DERA: variants seen among roughly 807,000 people sequenced by gnomAD.
The protein encoded by DERA is 2-deoxy-D-ribose 5-phosphate aldolase.
DERA carries 15 observed loss-of-function variants against 41.1 expected under a neutral mutation model. The observed-to-expected ratio is 0.37, with a 90% CI of 0.24 to 0.56. The LOEUF (loss-of-function observed/expected upper bound fraction) is 0.56, where lower values mean the gene tolerates loss of function less well. Among genes scored for constraint, DERA ranks in the 20% least tolerant of loss-of-function variants. The probability of loss-of-function intolerance (pLI) is 0.81; values close to 1 mark genes in which losing one functional copy is unlikely to be tolerated. For synonymous variants in DERA, 139 were observed against 137.4 expected (o/e 1.01, Z -0.08); for missense variants, 396 against 403.4 (o/e 0.98, Z 0.16).
Position 15,985,371 on chromosome 12 carries a change from A to G in DERA, c.637+2935A>G, listed in dbSNP as rs1948757378. On this transcript the variant is annotated intron_variant, in intron 6 of 8. Transcript: ENST00000428559. This position sits in a 1 kb window ranked among gnomAD's most constrained non-coding sequence, Gnocchi z 4.2. Reference sequence around the variant, plus strand: ...CTGAGTTGCTAAAATTGTTGGCATAATGTTGTTTATAATATGTTCTTCCAT... The same window carrying G: ...CTGAGTTGCTAAAATTGTTGGCATAGTGTTGTTTATAATATGTTCTTCCAT... 6.6e-6 allele frequency: 1 copy of G among 152,182 alleles called. No individual in the cohort carries two copies. Among genetic ancestry groups the G allele is most frequent in the Admixed American group, 6.5e-5 (1 of 15,278 alleles). 9.4% of individuals were successfully genotyped at this position (152,182 alleles called of 1,614,324 possible). A position where few individuals can be genotyped will look rare whatever the true frequency, so the allele number is the denominator to read the frequency against.
intron 1 of DERA, among the ~76,000 whole-genome samples, chr12:15,923,177 T>C (rs540314207): frequency 3.8e-4 from 58 of 150,778 alleles, no homozygotes; most frequent in Non-Finnish European, 7.0e-4. Context: ...CGCCCGCCAC[T>C]ACGCCCGGCT....
intron 1 of DERA, among the ~76,000 whole-genome samples, chr12:15,946,466 T>C (rs1173011799): frequency 2.0e-5 from 3 of 152,212 alleles, no homozygotes; most frequent in Non-Finnish European, 4.4e-5. Flanking sequence ...GGAGGATGTA[T>C]GTGTCCAGGA....
rs554392218 is a variant in DERA at position 16,003,249 on chromosome 12, G to C, written c.637+20813G>C. On this transcript the variant is annotated intron_variant, in intron 6 of 8. Transcript: ENST00000428559. This position sits in a 1 kb window ranked among gnomAD's most constrained non-coding sequence, Gnocchi z 4.8. Reference sequence around the variant, plus strand: ...ATGTTGTATGTCTGTCTCTTCACCTGGTGTTCTTTTTATAAGGACACTAAT... The same window carrying C: ...ATGTTGTATGTCTGTCTCTTCACCTCGTGTTCTTTTTATAAGGACACTAAT... Among the ~76,000 whole-genome samples, 2 of 152,204 alleles carry C rather than the reference G, an allele frequency of 1.3e-5. No homozygotes were observed. Among genetic ancestry groups the C allele is most frequent in the East Asian group, 3.9e-4 (2 of 5,168 alleles).
chr12:15,985,950 A>G lies in DERA; in HGVS notation c.637+3514A>G, dbSNP rs897795828. On this transcript the variant is annotated intron_variant, in intron 6 of 8. Coordinates refer to ENST00000428559, the MANE Select transcript of DERA (RefSeq NM_015954.4). The surrounding 1 kb of genome is among the most constrained non-coding windows in gnomAD (Gnocchi z 4.2). ...TCTGTTTATTACTAAGAGAGTGTTAAAGTCTCCAAACATGATTGTGGATTT... is the reference window on the plus strand; with the variant it reads ...TCTGTTTATTACTAAGAGAGTGTTAGAGTCTCCAAACATGATTGTGGATTT... 6.6e-6 allele frequency among the ~76,000 whole-genome samples: 1 copy of G among 152,116 alleles called. No individual in the cohort carries two copies. Among genetic ancestry groups the G allele is most frequent in the African/African-American group, 2.4e-5 (1 of 41,422 alleles).
intron 1 of DERA, among the ~76,000 whole-genome samples, chr12:15,914,755 T>C (rs922942812): frequency 2.0e-5 from 3 of 152,172 alleles, no homozygotes; most frequent in Non-Finnish European, 4.4e-5. Flanking sequence ...TTCAAAGATA[T>C]CTGAAAAATA....
At chr12:15,923,637 T>G (rs920813217) in intron 1 of DERA, among the ~76,000 whole-genome samples, 3 of 152,164 alleles carry the variant, frequency 2.0e-5, no homozygotes, top group Non-Finnish European at 4.4e-5. Flanking sequence ...AAAATTCTTA[T>G]GTGAACAGAG....
rs1948934762 is a variant in DERA, at chr12:16,009,652, C to T, written c.638-22890C>T. Among the ~76,000 whole-genome samples, 1 of 152,046 alleles carries T rather than the reference C, an allele frequency of 6.6e-6. No homozygotes were observed. Among genetic ancestry groups the T allele is most frequent in the Non-Finnish European group, 1.5e-5 (1 of 68,012 alleles). On this transcript the variant is annotated intron_variant, in intron 6 of 8. Transcript: ENST00000428559. This position sits in a 1 kb window ranked among gnomAD's most constrained non-coding sequence, Gnocchi z 5.3. ...ATTTAACAGCTGAATTTTTTTCTCA[C>T]TAAGGTTTTATATTTTTAAGTTATC... is the stretch of plus-strand genomic sequence containing the variant.
chr12:15,964,713 TTGTAGA>T (rs1449665247), intron 5 of DERA, among the ~76,000 whole-genome samples: 17 of 152,222 alleles, frequency 1.1e-4, no homozygotes, highest in African/African-American at 3.9e-4. Context: ...TCTTAAGCAA[TTGTAGA>T]TGTAGAAATT....
chr12:16,035,268 G>T lies in DERA; in HGVS notation c.751-964G>T, dbSNP rs1949119641. On this transcript the variant is annotated intron_variant, in intron 7 of 8. Coordinates refer to ENST00000428559, the MANE Select transcript of DERA (RefSeq NM_015954.4). This position sits in a 1 kb window ranked among gnomAD's most constrained non-coding sequence, Gnocchi z 4.1. ...AGGTTTCCTGCTTGGGTTGATAATA[G>T]AATATATTCATTTAATGTCTCCCTT... is the stretch of plus-strand genomic sequence containing the variant. Among the ~76,000 whole-genome samples the T allele has an allele frequency of 6.6e-6, 1 of 152,114 alleles. No homozygotes were observed. The highest frequency in any genetic ancestry group is 2.1e-4 in the South Asian group (1 of 4,828).
intron 7 of DERA, among the ~76,000 whole-genome samples, chr12:16,033,776 A>G (rs1334541290): frequency 6.6e-6 from 1 of 151,864 alleles, no homozygotes; most frequent in African/African-American, 2.4e-5. Context: ...TGGAATAGTG[A>G]CCTTTTTTTT....
In DERA at chr12:15,992,704, A is replaced by G. The variant is rs1206886737; in HGVS notation, c.637+10268A>G. Among the ~76,000 whole-genome samples the G allele has an allele frequency of 6.6e-6, 1 of 152,170 alleles. No individual in the cohort carries two copies. Among genetic ancestry groups the G allele is most frequent in the South Asian group, 2.1e-4 (1 of 4,830 alleles). ...GGGAAACATACTTACAGAAAAGAGAAGTGTAAAGCAGGTCAATCTACTGCT... is the reference window on the plus strand; with the variant it reads ...GGGAAACATACTTACAGAAAAGAGAGGTGTAAAGCAGGTCAATCTACTGCT... On this transcript the variant is annotated intron_variant, in intron 6 of 8. Transcript: ENST00000428559. This position sits in a 1 kb window ranked among gnomAD's most constrained non-coding sequence, Gnocchi z 4.3.
At chr12:15,974,455 T>G in intron 5 of DERA, among the ~76,000 whole-genome samples, 1 of 152,202 alleles carries the variant, frequency 6.6e-6, no homozygotes, top group East Asian at 1.9e-4. Context: ...TTGTTTGGTA[T>G]TTTCTCACAG....
intron 1 of DERA, among the ~76,000 whole-genome samples, chr12:15,934,370 A>G (rs1490566321): frequency 6.6e-6 from 1 of 152,130 alleles, no homozygotes; most frequent in African/African-American, 2.4e-5. Context: ...GTGAATCACA[A>G]GGTCAGGAGA....
rs1948810158 is a variant in DERA at position 15,992,686 on chromosome 12, A to G, written c.637+10250A>G. On this transcript the variant is annotated intron_variant, in intron 6 of 8. Coordinates refer to ENST00000428559, the MANE Select transcript of DERA (RefSeq NM_015954.4). The surrounding 1 kb of genome is among the most constrained non-coding windows in gnomAD (Gnocchi z 4.3). ...ATGATAGGACATAAGATAGGGAAAC[A>G]TACTTACAGAAAAGAGAAGTGTAAA... 6.6e-6 allele frequency among the ~76,000 whole-genome samples: 1 copy of G among 152,210 alleles called. No individual in the cohort carries two copies. The highest frequency in any genetic ancestry group is 1.5e-5 in the Non-Finnish European group (1 of 68,020).
At position 16,003,317 on chromosome 12, in the gene DERA, A is replaced by G. The variant is rs888946580; in HGVS notation, c.637+20881A>G. Among the ~76,000 whole-genome samples the G allele has an allele frequency of 6.6e-6, 1 of 152,124 alleles. No individual in the cohort carries two copies. Among genetic ancestry groups the G allele is most frequent in the Non-Finnish European group, 1.5e-5 (1 of 68,026 alleles). On this transcript the variant is annotated intron_variant, in intron 6 of 8. Coordinates refer to ENST00000428559, the MANE Select transcript of DERA (RefSeq NM_015954.4). The surrounding 1 kb of genome is among the most constrained non-coding windows in gnomAD (Gnocchi z 4.8). ...CTACCGTACTCCATTGCGACCTCAT[A>G]TTGACTAATTATATCTGCAAGCACC...
rs560879001 is a variant in DERA, at chr12:15,995,577, A to T, written c.637+13141A>T. 8.5e-5 allele frequency among the ~76,000 whole-genome samples: 13 copies of T among 152,330 alleles called. No homozygotes were observed. In the East Asian group the frequency reaches 2.1e-3, roughly 25 times the overall value. On this transcript the variant is annotated intron_variant, in intron 6 of 8. Transcript: ENST00000428559. This position sits in a 1 kb window ranked among gnomAD's most constrained non-coding sequence, Gnocchi z 5.1. ...CAGAGAACAGCTAGGGAGTGACAAG[A>T]AAAGCAGATCTTTCTGTTTTCCACC...
At chr12:15,925,487 A>G (rs996532392) in intron 1 of DERA, among the ~76,000 whole-genome samples, 6 of 151,194 alleles carry the variant, frequency 4.0e-5, no homozygotes, top group South Asian at 4.2e-4. Context: ...TTTAAGTGTG[A>G]AAAAAAAAGA....
Position 15,982,453 on chromosome 12 carries a change from C to T in DERA, c.637+17C>T, listed in dbSNP as rs1463643823. 6.3e-7 allele frequency: 1 copy of T among 1,588,768 alleles called. No individual in the cohort carries two copies. ...TGATGGCAGGTAAGTGTTTTATGTT[C>T]AAATAATGTTTTCTATTGAATTGAT... On this transcript the variant is annotated intron_variant, in intron 6 of 8. Coordinates refer to ENST00000428559, the MANE Select transcript of DERA (RefSeq NM_015954.4). This position sits in a 1 kb window ranked among gnomAD's most constrained non-coding sequence, Gnocchi z 4.0.
chr12:15,949,239 C>T (rs1036582807), intron 1 of DERA, among the ~76,000 whole-genome samples: 30 of 152,246 alleles, frequency 2.0e-4, no homozygotes, highest in African/African-American at 5.8e-4. Flanking sequence ...CAGATAGGGA[C>T]GTTTAAGTCT....
Sources: gnomAD v4.1 joint callset for allele counts (sites outside exome capture counted in the v4.1 genomes callset) on GRCh38, gnomAD v4.1.1 for gene constraint, Gnocchi (gnomAD v3.1) non-coding constraint, MANE v1.5 for transcripts, NCBI Gene and HGNC (gene_info 2026-07-23, HGNC 2026-07-21) for gene names.